EXOC6B: variants seen among roughly 807,000 people sequenced by gnomAD.
EXOC6B encodes the protein exocyst complex component 6B, also known as SEC15 homolog B.
A neutral mutation model predicts 113.5 loss-of-function variants in EXOC6B; 54 were observed. The ratio of observed to expected loss-of-function variants is 0.48; its 90% CI spans 0.38 to 0.60. The LOEUF is 0.60. Among genes scored for constraint, EXOC6B ranks in the 20% least tolerant of loss-of-function variants. The probability of loss-of-function intolerance (pLI) is 0.00; values close to 1 mark genes in which losing one functional copy is unlikely to be tolerated. For synonymous variants in EXOC6B, 357 were observed against 339.0 expected (o/e 1.05, Z -0.58); for missense variants, 797 against 977.5 (o/e 0.82, Z 2.46).
At chr2:72,245,765 A>G (rs1156269212) in intron 20 of EXOC6B, among the ~76,000 whole-genome samples, 4 of 152,182 alleles carry the variant, frequency 2.6e-5, no homozygotes, top group Non-Finnish European at 4.4e-5. Context: ...CAATACAAAG[A>G]ACAGACCATT....
At position 72,179,101 on chromosome 2, in the gene EXOC6B, A is replaced by G. The variant is rs1677921177; in HGVS notation, c.*234T>C. 2.1e-6 allele frequency: 1 copy of G among 480,966 alleles called. No individual in the cohort carries two copies. The highest frequency in any genetic ancestry group is 3.6e-5 in the East Asian group (1 of 27,776). 29.8% of individuals were successfully genotyped at this position (480,966 alleles called of 1,614,324 possible). A position where few individuals can be genotyped will look rare whatever the true frequency, so the allele number is the denominator to read the frequency against. Reference sequence around the variant, plus strand: ...TACCACCATCTCTAAGATAACACAGATAGTGTAGTAATAACTTCCCCTGAG... The same window carrying G: ...TACCACCATCTCTAAGATAACACAGGTAGTGTAGTAATAACTTCCCCTGAG... On this transcript the variant is annotated 3_prime_UTR_variant, in exon 22 of 22. Coordinates refer to ENST00000272427, the MANE Select transcript of EXOC6B (RefSeq NM_015189.3).
chr2:72,456,075 G>A (rs545189660), intron 18 of EXOC6B, among the ~76,000 whole-genome samples: 65 of 152,152 alleles, frequency 4.3e-4, no homozygotes, highest in African/African-American at 1.3e-3. Context: ...GTGACTGTCC[G>A]TATATCATAG....
At position 72,177,094 on chromosome 2, in the gene EXOC6B, G is replaced by A. The variant is rs1391066186; in HGVS notation, c.*2241C>T. 6.6e-6 allele frequency: 1 copy of A among 152,084 alleles called. No homozygotes were observed. The highest frequency in any genetic ancestry group is 1.5e-5 in the Non-Finnish European group (1 of 68,030). The allele number at this position is 152,084 out of a possible 1,614,324, so 9.4% of individuals were successfully genotyped here. On this transcript the variant is annotated 3_prime_UTR_variant, in exon 22 of 22. Coordinates refer to ENST00000272427, the MANE Select transcript of EXOC6B (RefSeq NM_015189.3). ...GTTGTTTTTTGTTAGATAAGGTGAA[G>A]GCAGACTAAGAATGGAGAGAAGATA...
At chr2:72,614,486 C>A (rs1671269440) in intron 6 of EXOC6B, among the ~76,000 whole-genome samples, 1 of 152,082 alleles carries the variant, frequency 6.6e-6, no homozygotes, top group South Asian at 2.1e-4. Context: ...CAGTGGTCCC[C>A]ACCTCCCAAT....
At chr2:72,508,184 A>AAAAAAAAAAAAAAAAAAAAC (rs923877882) in intron 11 of EXOC6B, among the ~76,000 whole-genome samples, 11 of 89,104 alleles carry the variant, frequency 1.2e-4, no homozygotes, top group African/African-American at 5.3e-4. Context: ...AAAAAAAAAA[A>AAAAAAAAAAAAAAAAAAAAC]ACACCTAAAA....
At chr2:72,340,995 G>A (rs1689001814) in intron 19 of EXOC6B, among the ~76,000 whole-genome samples, 1 of 152,100 alleles carries the variant, frequency 6.6e-6, no homozygotes, top group Non-Finnish European at 1.5e-5. Flanking sequence ...ACAATGTCAA[G>A]GAGAGAGAAA....
At chr2:72,760,753 TA>T (rs1292460043) in intron 1 of EXOC6B, among the ~76,000 whole-genome samples, 2 of 152,182 alleles carry the variant, frequency 1.3e-5, no homozygotes, top group Non-Finnish European at 2.9e-5. Flanking sequence ...ACAAATATTT[TA>T]AGATAAAGCT....
Position 72,409,953 on chromosome 2 carries a change from C to T in EXOC6B, c.1981-30083G>A, listed in dbSNP as rs373102079. ...CTTTGGAACTAATAACAGGGTCCCA[C>T]AATGAGAACATGGGATGCCGTCGTT... On this transcript the variant is annotated intron_variant, in intron 18 of 21. Transcript: ENST00000272427. 3.9e-5 allele frequency among the ~76,000 whole-genome samples: 6 copies of T among 152,126 alleles called. No homozygotes were observed. In the East Asian group the frequency reaches 5.8e-4, roughly 15 times the overall value.
intron 20 of EXOC6B, among the ~76,000 whole-genome samples, chr2:72,209,243 A>AAAAAGAAAAGAAAAGAAAAGAAAAG (rs1231419000): frequency 1.8e-5 from 2 of 110,588 alleles, no homozygotes; most frequent in African/African-American, 7.3e-5. Context: ...AAAAAAAAAA[A>AAAAAGAAAAGAAAAGAAAAGAAAAG]AAAAGAAAAG....
chr2:72,343,857 A>T (rs1290158839), intron 19 of EXOC6B, among the ~76,000 whole-genome samples: 1 of 152,086 alleles, frequency 6.6e-6, no homozygotes, highest in Non-Finnish European at 1.5e-5. Flanking sequence ...CTTATTAAGG[A>T]TCTTTTCTAT....
At chr2:72,486,240 A>C (rs562804638) in intron 16 of EXOC6B, among the ~76,000 whole-genome samples, 1 of 152,018 alleles carries the variant, frequency 6.6e-6, no homozygotes, top group Non-Finnish European at 1.5e-5. Context: ...GTGGTGGCAC[A>C]TGCCTGTAAT....
intron 19 of EXOC6B, among the ~76,000 whole-genome samples, chr2:72,362,349 A>G (rs1690366213): frequency 6.6e-6 from 1 of 152,162 alleles, no homozygotes; most frequent in East Asian, 1.9e-4. Context: ...CAATCTTTTG[A>G]ATAATTTAGG....
chr2:72,233,896 C>T (rs1311114319), intron 20 of EXOC6B, among the ~76,000 whole-genome samples: 2 of 152,124 alleles, frequency 1.3e-5, no homozygotes, highest in African/African-American at 4.8e-5. Context: ...AGCTTCCAGC[C>T]CAGCAGTCCC....
intron 6 of EXOC6B, among the ~76,000 whole-genome samples, chr2:72,669,580 T>G (rs538996638): frequency 1.8e-4 from 27 of 152,328 alleles, no homozygotes; most frequent in Non-Finnish European, 3.2e-4. Flanking sequence ...CTTTCCTAAT[T>G]ATTCATAAAA....
At chr2:72,678,865 G>A (rs1287627674) in intron 6 of EXOC6B, among the ~76,000 whole-genome samples, 1 of 152,156 alleles carries the variant, frequency 6.6e-6, no homozygotes, top group Non-Finnish European at 1.5e-5. Context: ...TAAAATTTGT[G>A]AGGACCTATT....
intron 16 of EXOC6B, among the ~76,000 whole-genome samples, chr2:72,482,952 T>A (rs1699195120): frequency 6.6e-6 from 1 of 152,240 alleles, no homozygotes. Context: ...TAGATCTCTA[T>A]ATTTTCCCCC....
intron 16 of EXOC6B, among the ~76,000 whole-genome samples, chr2:72,490,832 A>T (rs553398893): frequency 6.6e-6 from 1 of 152,258 alleles, no homozygotes. Flanking sequence ...GTCACAGTAA[A>T]CCAATGGCTC....
chr2:72,786,010 G>A (rs1180049303), intron 1 of EXOC6B, among the ~76,000 whole-genome samples: 1 of 152,154 alleles, frequency 6.6e-6, no homozygotes, highest in Non-Finnish European at 1.5e-5. Flanking sequence ...AATGGCTTAA[G>A]CCCAGGAGTT....
intron 1 of EXOC6B, among the ~76,000 whole-genome samples, chr2:72,760,127 G>T (rs1558979783): frequency 6.6e-6 from 1 of 152,062 alleles, no homozygotes; most frequent in Non-Finnish European, 1.5e-5. Context: ...AAAATATTTT[G>T]TTTACCCTTC....
Sources: allele counts gnomAD v4.1 joint callset (sites outside exome capture counted in the v4.1 genomes callset), GRCh38; gene constraint gnomAD v4.1.1; transcripts MANE v1.5; gene names NCBI Gene and HGNC (gene_info 2026-07-23, HGNC 2026-07-21).